Variants in DNAAF11 observed in about 807,000 individuals in gnomAD.
DNAAF11 encodes leucine rich repeat containing 6.
A neutral mutation model predicts 60.8 loss-of-function variants in DNAAF11; 45 were observed. The observed-to-expected ratio is 0.74, with a 90% CI of 0.58 to 0.95. DNAAF11 has a LOEUF of 0.95. Ranked by LOEUF, DNAAF11 falls within the 40% of genes least tolerant of loss-of-function variation. The pLI is 0.00. For missense variants in DNAAF11, 546 were observed against 546.2 expected, an observed-to-expected ratio of 1.00 and a Z score of 0.00; for synonymous variants, 191 against 183.5, an observed-to-expected ratio of 1.04 and a Z score of -0.33.
At chr8:132,626,073 G>A (rs552157397) in intron 5 of DNAAF11, among the ~76,000 whole-genome samples, 4 of 148,936 alleles carry the variant, frequency 2.7e-5, no homozygotes, top group Admixed American at 6.6e-5. Context: ...TTTTTGAGAC[G>A]GAGTCTCCCT....
chr8:132,642,857 C>T (rs1821993120), intron 3 of DNAAF11, among the ~76,000 whole-genome samples: 1 of 152,202 alleles, frequency 6.6e-6, no homozygotes, highest in African/African-American at 2.4e-5. Context: ...GTTGGCCCAC[C>T]TGAAGATTCT....
upstream of DNAAF11, among the ~76,000 whole-genome samples, chr8:132,680,049 C>T (rs1237304751): frequency 6.6e-6 from 1 of 152,206 alleles, no homozygotes; most frequent in African/African-American, 2.4e-5. Context: ...CTCAACCCAA[C>T]ATCACAGTCA....
intron 3 of DNAAF11, among the ~76,000 whole-genome samples, chr8:132,648,588 C>T (rs1453517802): frequency 6.6e-6 from 1 of 152,178 alleles, no homozygotes; most frequent in Admixed American, 6.5e-5. Flanking sequence ...GTGCAGATGA[C>T]ATGATTGTAT....
rs4540391 is a variant in DNAAF11, at chr8:132,585,514, G to A, written c.1141-1735C>T. Among the ~76,000 whole-genome samples the A allele has an allele frequency of 6.5e-3, 986 of 152,186 alleles. 10 individuals carry two copies. The highest frequency in any genetic ancestry group is 0.023 in the African/African-American group (936 of 41,512). Reference sequence around the variant, plus strand: ...AATACCCTTAATGTCACAAGTGGACGGCAAGACTTTTGCTGAAGCTCCAGA... The same window carrying A: ...AATACCCTTAATGTCACAAGTGGACAGCAAGACTTTTGCTGAAGCTCCAGA... On this transcript the variant is annotated intron_variant, in intron 10 of 11. Coordinates refer to ENST00000620350, the MANE Select transcript of DNAAF11 (RefSeq NM_012472.6).
intron 3 of DNAAF11, among the ~76,000 whole-genome samples, chr8:132,654,706 A>C (rs1738413284): frequency 6.6e-6 from 1 of 151,970 alleles, no homozygotes; most frequent in Admixed American, 6.6e-5. Flanking sequence ...TGCAAAAAAA[A>C]AAAATCAGAA....
chr8:132,662,049 T>G (rs1455682520), intron 1 of DNAAF11, among the ~76,000 whole-genome samples: 1 of 152,182 alleles, frequency 6.6e-6, no homozygotes, highest in East Asian at 1.9e-4. Context: ...GGCAGAAATA[T>G]GAAAGCATCT....
At chr8:132,678,122 T>C (rs1027288807), upstream of DNAAF11, among the ~76,000 whole-genome samples, 59 of 113,986 alleles carry the variant, frequency 5.2e-4, no homozygotes, top group African/African-American at 5.5e-3. Flanking sequence ...AAATAAACTT[T>C]CTATCTGAGG....
intron 3 of DNAAF11, among the ~76,000 whole-genome samples, chr8:132,650,862 T>C (rs1335053249): frequency 6.6e-6 from 1 of 152,228 alleles, no homozygotes. Context: ...AAATGTCATA[T>C]ATCTTTGGAT....
chr8:132,665,953 A>G (rs1050552311), intron 1 of DNAAF11, among the ~76,000 whole-genome samples: 1 of 152,230 alleles, frequency 6.6e-6, no homozygotes, highest in African/African-American at 2.4e-5. Flanking sequence ...AGTAACATGG[A>G]TGCAGCTGGA....
intron 7 of DNAAF11, among the ~76,000 whole-genome samples, chr8:132,616,044 T>C (rs1819115521): frequency 6.6e-6 from 1 of 152,134 alleles, no homozygotes; most frequent in Non-Finnish European, 1.5e-5. Flanking sequence ...CTCAGGAGCC[T>C]TTTTATATGC....
intron 10 of DNAAF11, among the ~76,000 whole-genome samples, chr8:132,593,797 A>G (rs1816720802): frequency 1.3e-5 from 2 of 152,076 alleles, no homozygotes; most frequent in Non-Finnish European, 2.9e-5. Flanking sequence ...AAGCAACTCA[A>G]TGGGAAAGTA....
intron 1 of DNAAF11, among the ~76,000 whole-genome samples, chr8:132,666,285 C>T (rs144196983): frequency 5.2e-4 from 79 of 152,024 alleles, no homozygotes; most frequent in African/African-American, 1.4e-3. Flanking sequence ...GCTAGAAGGA[C>T]GATATTGAAA....
At chr8:132,596,147 A>C (rs1816996306) in intron 10 of DNAAF11, among the ~76,000 whole-genome samples, 1 of 152,196 alleles carries the variant, frequency 6.6e-6, no homozygotes, top group Non-Finnish European at 1.5e-5. Flanking sequence ...CAGGATAGGA[A>C]GTCCATGCTG....
chr8:132,660,916 T>C (rs1824069154), intron 2 of DNAAF11, among the ~76,000 whole-genome samples: 1 of 152,238 alleles, frequency 6.6e-6, no homozygotes, highest in Non-Finnish European at 1.5e-5. Flanking sequence ...AGAAGAGCTT[T>C]ATCAGTTATA....
Position 132,625,254 on chromosome 8 carries a change from T to G in DNAAF11, c.836+18A>C, listed in dbSNP as rs201428444. 6.4e-7 allele frequency: 1 copy of G among 1,573,410 alleles called. No homozygotes were observed. Among genetic ancestry groups the G allele is most frequent in the African/African-American group, 1.4e-5 (1 of 73,560 alleles). On this transcript the variant is annotated intron_variant, in intron 6 of 11. Coordinates refer to ENST00000620350, the MANE Select transcript of DNAAF11 (RefSeq NM_012472.6). ...ATAAGTGGCTACTGCTTCCCTCTCC[T>G]AGGAAAGAATGAAATACCTTAATTT...
At chr8:132,649,970 A>C (rs1230155868) in intron 3 of DNAAF11, among the ~76,000 whole-genome samples, 1 of 152,180 alleles carries the variant, frequency 6.6e-6, no homozygotes, top group East Asian at 1.9e-4. Context: ...TGATTCCTCA[A>C]GGATCTAGAA....
intron 7 of DNAAF11, among the ~76,000 whole-genome samples, chr8:132,617,198 T>C (rs749637994): frequency 6.6e-6 from 1 of 151,988 alleles, no homozygotes; most frequent in Non-Finnish European, 1.5e-5. Flanking sequence ...TTGGGAGAAA[T>C]GTAAAGGGAG....
intron 1 of DNAAF11, among the ~76,000 whole-genome samples, chr8:132,668,245 T>C (rs1443149012): frequency 6.6e-6 from 1 of 152,232 alleles, no homozygotes; most frequent in East Asian, 1.9e-4. Context: ...AGGCTCATCA[T>C]AATGAGCGGC....
At chr8:132,633,382 G>A (rs1230567173) in intron 4 of DNAAF11, among the ~76,000 whole-genome samples, 2 of 152,072 alleles carry the variant, frequency 1.3e-5, no homozygotes, top group East Asian at 3.8e-4. Flanking sequence ...ATGAGCCCAT[G>A]TTTCACCCTT....
Sources: allele counts gnomAD v4.1 joint callset (sites outside exome capture counted in the v4.1 genomes callset), GRCh38; gene constraint gnomAD v4.1.1; transcripts MANE v1.5; gene names NCBI Gene and HGNC (gene_info 2026-07-23, HGNC 2026-07-21).